Variants in NBAS observed in about 807,000 individuals in gnomAD.
NBAS encodes NBAS subunit of NRZ tethering complex.
NBAS carries 219 observed loss-of-function variants against 302.5 expected under a neutral mutation model. The observed-to-expected ratio is 0.72, with a 90% CI of 0.65 to 0.81. The LOEUF is 0.81. NBAS is among the 30% of genes least tolerant of loss of function. The probability of loss-of-function intolerance (pLI) is 0.00; values close to 1 mark genes in which losing one functional copy is unlikely to be tolerated. For synonymous variants in NBAS, 1,118 were observed against 1,021.6 expected (o/e 1.09, Z -1.80); for missense variants, 2,932 against 2,841.6 (o/e 1.03, Z -0.72).
chr2:15,390,785 CAAG>C (rs1675553129), intron 28 of NBAS, among the ~76,000 whole-genome samples: 1 of 151,658 alleles, frequency 6.6e-6, no homozygotes, highest in South Asian at 2.1e-4. Flanking sequence ...TGATAGCATA[CAAG>C]AAGGAAAAAT....
intron 1 of NBAS, 26 bp from the exon 2 acceptor site, chr2:15,558,660 A>G: frequency 1.3e-6 from 2 of 1,575,176 alleles, no homozygotes; most frequent in Non-Finnish European, 1.7e-6. Context: ...AAAAACACTT[A>G]CATTTGAATC....
chr2:15,535,912 G>A (rs1453340357), intron 8 of NBAS, among the ~76,000 whole-genome samples: 2 of 152,152 alleles, frequency 1.3e-5, no homozygotes, highest in Admixed American at 6.5e-5. Context: ...TTCTGGGAGT[G>A]GGTATGGAAA....
the NBAS span, among the ~76,000 whole-genome samples, chr2:14,807,201 A>T: frequency 6.6e-6 from 1 of 152,152 alleles, no homozygotes; most frequent in Admixed American, 6.5e-5. Flanking sequence ...TAAATTTCTC[A>T]ATCATGACAG....
At chr2:15,449,413 G>A (rs1678899424) in intron 21 of NBAS, among the ~76,000 whole-genome samples, 1 of 152,032 alleles carries the variant, frequency 6.6e-6, no homozygotes, top group Non-Finnish European at 1.5e-5. Context: ...GTCATGAGAT[G>A]TTTGTTGAAT....
chr2:15,338,762 C>T (rs1425089063), intron 35 of NBAS, among the ~76,000 whole-genome samples: 2 of 151,778 alleles, frequency 1.3e-5, no homozygotes, highest in Middle Eastern at 3.2e-3. Context: ...GTAATCCCAA[C>T]ACTTTGGGAG....
chr2:15,197,353 T>A (rs1168443163), intron 48 of NBAS, among the ~76,000 whole-genome samples: 1 of 152,208 alleles, frequency 6.6e-6, no homozygotes, highest in Non-Finnish European at 1.5e-5. Context: ...CTTATTACAA[T>A]ACCTATGTAA....
chr2:15,098,533 T>C, the NBAS span, among the ~76,000 whole-genome samples: 1 of 122,086 alleles, frequency 8.2e-6, no homozygotes, highest in Non-Finnish European at 1.6e-5. Context: ...TGTTATATAT[T>C]ATGTATTGTA....
chr2:14,783,890 C>A, the NBAS span, among the ~76,000 whole-genome samples: 1 of 142,046 alleles, frequency 7.0e-6, no homozygotes, highest in Non-Finnish European at 1.6e-5. Context: ...CCTGAGGAAT[C>A]GCCACACTGA....
chr2:15,044,419 G>T, the NBAS span, among the ~76,000 whole-genome samples: 1 of 152,212 alleles, frequency 6.6e-6, no homozygotes, highest in Admixed American at 6.5e-5. Flanking sequence ...ACAGAAGAAT[G>T]AACAGCAAAA....
the NBAS span, among the ~76,000 whole-genome samples, chr2:14,860,352 G>T: frequency 6.6e-6 from 1 of 152,082 alleles, no homozygotes; most frequent in South Asian, 2.1e-4. Context: ...CAAAGAAAAA[G>T]AATTGATGTA....
At chr2:15,375,636 T>A (rs1381225061) in intron 30 of NBAS, among the ~76,000 whole-genome samples, 3 of 152,212 alleles carry the variant, frequency 2.0e-5, no homozygotes, top group Admixed American at 6.5e-5. Flanking sequence ...AAATTGTAAA[T>A]GTACTTTTTT....
the NBAS span, among the ~76,000 whole-genome samples, chr2:14,897,524 C>T: frequency 6.6e-6 from 1 of 152,044 alleles, no homozygotes; most frequent in Non-Finnish European, 1.5e-5. Flanking sequence ...TGTCCTCTCT[C>T]TTGTCTTCAC....
chr2:15,384,950 G>T (rs577509932), intron 28 of NBAS, among the ~76,000 whole-genome samples: 1 of 151,834 alleles, frequency 6.6e-6, no homozygotes, highest in African/African-American at 2.4e-5. Context: ...AATAGTTATT[G>T]CTATAGAGAA....
At chr2:15,462,999 G>A (rs1026942458) in intron 19 of NBAS, among the ~76,000 whole-genome samples, 8 of 152,304 alleles carry the variant, frequency 5.3e-5, no homozygotes, top group Admixed American at 2.6e-4. Flanking sequence ...CCAGCCAGGC[G>A]TGGTGGCTCA....
intron 31 of NBAS, among the ~76,000 whole-genome samples, chr2:15,369,576 T>C (rs947502307): frequency 2.0e-5 from 3 of 152,338 alleles, no homozygotes; most frequent in African/African-American, 7.2e-5. Flanking sequence ...TTTCTGCTGA[T>C]TTAGGGCCTG....
At chr2:14,969,641 T>C in the NBAS span, among the ~76,000 whole-genome samples, 1 of 152,308 alleles carries the variant, frequency 6.6e-6, no homozygotes, top group African/African-American at 2.4e-5. Flanking sequence ...CCTCCCAAAG[T>C]GCTGGGATTA....
Position 15,275,800 on chromosome 2 carries a change from A to G in NBAS, c.5408T>C (p.Leu1803Pro), listed in dbSNP as rs747472228. The change falls in exon 44 of 52, where the codon CTG becomes CCG. Residue 1803 changes from leucine to proline, a missense_variant. By Grantham distance (98) the Leu-to-Pro change is moderately conservative. Transcript: ENST00000281513. ...VVASGLNYKK[L>P]TDENMSPLEA... is the part of the protein sequence containing the mutation. Reference sequence around the variant, plus strand: ...AAGAGGACTCATGTTTTCATCTGTCAGCTTTTTGTAATTAAGACCTAGCAG... The same window carrying G: ...AAGAGGACTCATGTTTTCATCTGTCGGCTTTTTGTAATTAAGACCTAGCAG... 4.3e-6 allele frequency: 7 copies of G among 1,613,544 alleles called. No individual in the cohort carries two copies. Among genetic ancestry groups the G allele is most frequent in the African/African-American group, 2.7e-5 (2 of 74,936 alleles).
chr2:15,415,535 T>C lies in NBAS; in HGVS notation c.2937+11A>G. ...AGTGCCCAGAATTTTAAGAAGTTAG[T>C]TTCTACTTACATCTGGTTTGGAATG... is the stretch of plus-strand genomic sequence containing the variant. On this transcript the variant is annotated intron_variant, in intron 25 of 51. Coordinates refer to ENST00000281513, the MANE Select transcript of NBAS (RefSeq NM_015909.4). The C allele has an allele frequency of 6.2e-7, 1 of 1,613,434 alleles. No homozygotes were observed. The highest frequency in any genetic ancestry group is 1.1e-5 in the South Asian group (1 of 91,064).
At chr2:14,858,875 C>T in the NBAS span, among the ~76,000 whole-genome samples, 1 of 152,050 alleles carries the variant, frequency 6.6e-6, no homozygotes, top group African/African-American at 2.4e-5. Context: ...GGATACCCCT[C>T]ATTTACCCCG....
Sources: gnomAD v4.1 joint callset for allele counts (sites outside exome capture counted in the v4.1 genomes callset) on GRCh38, gnomAD v4.1.1 for gene constraint, MANE v1.5 for transcripts, NCBI Gene and HGNC (gene_info 2026-07-23, HGNC 2026-07-21) for gene names.